Variants in DNAH8 observed in about 807,000 individuals in gnomAD.
The protein encoded by DNAH8 is dynein axonemal heavy chain 8.
DNAH8 carries 382 observed loss-of-function variants against 562.1 expected under a neutral mutation model. The ratio of observed to expected loss-of-function variants is 0.68; its 90% CI spans 0.63 to 0.74. The LOEUF is 0.74. DNAH8 is among the 30% of genes least tolerant of loss of function. The pLI, the probability that DNAH8 is intolerant of heterozygous loss-of-function variation, is 0.00. For synonymous variants in DNAH8, 1,881 were observed against 1,919.4 expected (o/e 0.98, Z 0.52); for missense variants, 5,203 against 5,620.4 (o/e 0.93, Z 2.37).
chr6:39,026,264 G>C (rs2150800162), intron 91 of DNAH8, among the ~76,000 whole-genome samples: 1 of 152,268 alleles, frequency 6.6e-6, no homozygotes, highest in Admixed American at 6.5e-5. Context: ...TTTAAGACTT[G>C]AGCAGCTGAA....
At chr6:38,727,628 C>T (rs1763333715) in intron 3 of DNAH8, among the ~76,000 whole-genome samples, 1 of 152,188 alleles carries the variant, frequency 6.6e-6, no homozygotes, top group Non-Finnish European at 1.5e-5. Flanking sequence ...TCTCTTAATC[C>T]TCCTCTGGCC....
At chr6:38,924,308 C>G (rs1781939935) in intron 73 of DNAH8, 146 bp downstream of exon 73, 6 of 698,638 alleles carry the variant, frequency 8.6e-6, no homozygotes, top group Non-Finnish European at 1.4e-5. Context: ...GTCAGGAGTT[C>G]AAGACCAGCC....
intron 91 of DNAH8, among the ~76,000 whole-genome samples, chr6:39,023,785 G>T (rs1024226833): frequency 6.6e-6 from 1 of 152,318 alleles, no homozygotes; most frequent in Non-Finnish European, 1.5e-5. Context: ...GAAAGGACAT[G>T]TATCTTCTCT....
At chr6:38,889,241 A>G (rs1245718196) in intron 57 of DNAH8, among the ~76,000 whole-genome samples, 1 of 152,266 alleles carries the variant, frequency 6.6e-6, no homozygotes, top group Non-Finnish European at 1.5e-5. Flanking sequence ...GATGAAGCCC[A>G]GAAATACAAT....
intron 4 of DNAH8, among the ~76,000 whole-genome samples, chr6:38,731,674 C>T (rs1219005468): frequency 6.6e-6 from 1 of 152,198 alleles, no homozygotes; most frequent in Non-Finnish European, 1.5e-5. Context: ...TACAAAAGTA[C>T]ATTTATCAGT....
At chr6:38,868,385 T>TATA (rs1238363583) in intron 48 of DNAH8, among the ~76,000 whole-genome samples, 189 bp downstream of exon 48, 1 of 152,214 alleles carries the variant, frequency 6.6e-6, no homozygotes, top group East Asian at 1.9e-4. Flanking sequence ...CAACATGGAC[T>TATA]ATAAGTGCCT....
chr6:38,826,443 G>T, intron 29 of DNAH8, 52 bp downstream of exon 29: 1 of 1,144,008 alleles, frequency 8.7e-7, no homozygotes, highest in Non-Finnish European at 1.3e-6. Flanking sequence ...GTTTTTTAAA[G>T]AAATAGAGAC....
In DNAH8 at chr6:38,874,068, T is replaced by TTCTTTCTTTCTTTCTTTC. The variant is rs377254876; in HGVS notation, c.7620+693_7620+694insCTTTCTTTCTTTCTTTCT. On this transcript the variant is annotated intron_variant, in intron 52 of 92. Coordinates refer to ENST00000327475, the MANE Select transcript of DNAH8 (RefSeq NM_001206927.2). ...TTTCTTTCTTTCTTTCTTTCTTTCTTTTTCTTTCTTTCTTTCTTTCTTTCT... is the reference window on the plus strand; with the variant it reads ...TTTCTTTCTTTCTTTCTTTCTTTCTTTCTTTCTTTCTTTCTTTCTTTCTTTCTTTCTTTCTTTCTTTCT... Among the ~76,000 whole-genome samples the TTCTTTCTTTCTTTCTTTC allele has an allele frequency of 7.7e-4, 44 of 57,058 alleles. 6 individuals carry two copies. Among genetic ancestry groups the TTCTTTCTTTCTTTCTTTC allele is most frequent in the African/African-American group, 2.2e-3 (34 of 15,612 alleles). The allele number at this position is 57,058 out of a possible 152,430, so 37.4% of individuals were successfully genotyped here. A position where few individuals can be genotyped will look rare whatever the true frequency, so the allele number is the denominator to read the frequency against.
intron 31 of DNAH8, 32 bp downstream of exon 31, chr6:38,832,467 A>G: frequency 1.5e-6 from 2 of 1,329,280 alleles, no homozygotes; most frequent in African/African-American, 2.9e-5. Context: ...TGTATGTTGA[A>G]ATGTTCTGTG....
intron 80 of DNAH8, 75 bp from the exon 81 acceptor site, chr6:38,949,377 G>C: frequency 1.1e-6 from 1 of 910,778 alleles, no homozygotes; most frequent in Non-Finnish European, 1.8e-6. Flanking sequence ...ACCCTCTCAG[G>C]TGATTCAGAA....
intron 49 of DNAH8, among the ~76,000 whole-genome samples, chr6:38,871,709 G>C (rs1458987537): frequency 6.6e-6 from 1 of 152,134 alleles, no homozygotes; most frequent in African/African-American, 2.4e-5. Flanking sequence ...CGAATCTCTT[G>C]TACCATTTCC....
At chr6:38,848,891 A>G (rs1050984288) in intron 37 of DNAH8, 90 bp downstream of exon 37, 107 of 1,306,090 alleles carry the variant, frequency 8.2e-5, no homozygotes, top group Non-Finnish European at 1.1e-4. Context: ...ACATATGGTC[A>G]AGGCTTGACT....
At chr6:38,806,874 C>T (rs1771325386) in intron 23 of DNAH8, among the ~76,000 whole-genome samples, 1 of 152,200 alleles carries the variant, frequency 6.6e-6, no homozygotes, top group Non-Finnish European at 1.5e-5. Flanking sequence ...CCCACTGCCA[C>T]ATGGAAAATC....
chr6:38,783,781 C>T (rs1234641104), intron 17 of DNAH8, among the ~76,000 whole-genome samples: 1 of 152,142 alleles, frequency 6.6e-6, no homozygotes, highest in African/African-American at 2.4e-5. Context: ...TGCTTTGTCT[C>T]ATCTTAACCT....
chr6:38,915,362 A>C lies in DNAH8; in HGVS notation c.10125A>C (p.Ala3375=). 6.3e-7 allele frequency: 1 copy of C among 1,596,102 alleles called. No homozygotes were observed. The highest frequency in any genetic ancestry group is 8.5e-7 in the Non-Finnish European group (1 of 1,173,910). ...LEAAKPALEE[A]EAALNTIKPN... ...CAGCTAAACCTGCACTGGAAGAAGC[A>C]GAAGCAGCCCTGAATGTGAGCAGTG... The change falls in exon 68 of 93, where the codon GCA becomes GCC. Residue 3375 remains alanine (A), a synonymous_variant. Coordinates refer to ENST00000327475, the MANE Select transcript of DNAH8 (RefSeq NM_001206927.2).
chr6:38,747,370 CTT>C (rs1264670625), intron 8 of DNAH8, among the ~76,000 whole-genome samples: 2 of 137,092 alleles, frequency 1.5e-5, no homozygotes, highest in Non-Finnish European at 3.1e-5. Context: ...TTGTCATTTT[CTT>C]TTTTTCTTTT....
chr6:38,874,112 CCTTCCTCCT>C (rs1394189569), intron 52 of DNAH8, among the ~76,000 whole-genome samples: 10 of 49,440 alleles, frequency 2.0e-4, no homozygotes, highest in East Asian at 3.8e-3. Flanking sequence ...CTCCTTCCTT[CCTTCCTCCT>C]TCTCTCTTTC....
Position 38,783,208 on chromosome 6 carries a change from G to A in DNAH8, c.2395+69G>A, listed in dbSNP as rs759402823. 44 of 1,487,444 alleles carry A rather than the reference G, an allele frequency of 3.0e-5. 1 individual carries two copies. The highest frequency in any genetic ancestry group is 3.4e-5 in the Non-Finnish European group (37 of 1,083,858). 92.1% of individuals were successfully genotyped at this position (1,487,444 alleles called of 1,614,324 possible). ...GATTTTGAATGAGTTCATAGTTCTG[G>A]AGAACTTTTTCCATCCCTTCCACAT... On this transcript the variant is annotated intron_variant, in intron 17 of 92. Transcript: ENST00000327475.
chr6:38,910,195 A>G (rs115439488), intron 65 of DNAH8, among the ~76,000 whole-genome samples: 114 of 152,336 alleles, frequency 7.5e-4, no homozygotes, highest in African/African-American at 2.5e-3. Context: ...CAATGTTTCT[A>G]TGCCAGACAA....
Sources: gnomAD v4.1 joint callset for allele counts (sites outside exome capture counted in the v4.1 genomes callset) on GRCh38, gnomAD v4.1.1 for gene constraint, MANE v1.5 for transcripts, NCBI Gene and HGNC (gene_info 2026-07-23, HGNC 2026-07-21) for gene names.